The following TRAPPC2 variants were observed in gnomAD, a reference collection of about 807,000 sequenced individuals.
TRAPPC2 encodes trafficking protein particle complex subunit 2, also known as sedlin.
A neutral mutation model predicts 10.0 loss-of-function variants in TRAPPC2; 4 were observed. The observed-to-expected ratio is 0.40, with a 90% confidence interval of 0.20 to 0.92. TRAPPC2 has a LOEUF of 0.92. TRAPPC2 is among the 40% of genes least tolerant of loss of function. The pLI is 0.35. For synonymous variants in TRAPPC2, 36 were observed against 37.3 expected (o/e 0.97, Z 0.12); for missense variants, 52 against 108.7 (o/e 0.48, Z 2.32).
chrX:13,723,456 C>T (rs934977755), intron 2 of TRAPPC2, among the ~76,000 whole-genome samples: 3 of 111,917 alleles, frequency 2.7e-5, no homozygotes, highest in Admixed American at 9.5e-5. Flanking sequence ...GCATGAGCCA[C>T]CATGCCCGGC....
intron 3 of TRAPPC2, among the ~76,000 whole-genome samples, chrX:13,717,034 T>TAAAA (rs1175025577): frequency 6.6e-4 from 25 of 37,930 alleles, no homozygotes; most frequent in Admixed American, 8.7e-4. Context: ...GATACTATGT[T>TAAAA]AAAAAAAAAA....
At chrX:13,718,754 A>G (rs1381518955) in intron 3 of TRAPPC2, among the ~76,000 whole-genome samples, 2 of 112,259 alleles carry the variant, frequency 1.8e-5, no homozygotes, top group African/African-American at 6.5e-5. Flanking sequence ...TCAATTCCTT[A>G]AAGGACATTA....
At chrX:13,728,449 C>T (rs761127072) in intron 2 of TRAPPC2, among the ~76,000 whole-genome samples, 18 of 111,973 alleles carry the variant, frequency 1.6e-4, no homozygotes, top group African/African-American at 3.9e-4. Flanking sequence ...GTTCAACATA[C>T]GCAAATCGAT....
intron 4 of TRAPPC2, 58 bp from the exon 5 acceptor site, chrX:13,716,147 G>A (rs930210086): frequency 1.3e-5 from 14 of 1,082,299 alleles, no homozygotes; most frequent in South Asian, 2.1e-5. Context: ...CAACCAGTTC[G>A]TTGATACAGT....
At position 13,732,734 on chromosome X, in the gene TRAPPC2, A is replaced by G. The variant is rs142974592; in HGVS notation, c.-20+1310T>C. Among the ~76,000 whole-genome samples the G allele has an allele frequency of 7.0e-3, 791 of 113,060 alleles. 7 individuals are homozygous for G. Among genetic ancestry groups the G allele is most frequent in the African/African-American group, 0.024 (750 of 31,157 alleles). ...ACACCAACAGTGCCAGAGTGGGAGGATGCTCAGTGAACTTGGAAGTCTCTT... is the reference window on the plus strand; with the variant it reads ...ACACCAACAGTGCCAGAGTGGGAGGGTGCTCAGTGAACTTGGAAGTCTCTT... On this transcript the variant is annotated intron_variant, in intron 2 of 5. Coordinates refer to ENST00000380579, the MANE Select transcript of TRAPPC2 (RefSeq NM_001011658.4).
intron 1 of TRAPPC2, 26 bp from the exon 2 acceptor site, chrX:13,734,211 A>C: frequency 2.2e-6 from 1 of 459,438 alleles, no homozygotes; most frequent in East Asian, 3.7e-5. Context: ...GCAAGGATAC[A>C]GCTAAACCTA....
At position 13,732,742 on chromosome X, in the gene TRAPPC2, T is replaced by C. The variant is rs759561176; in HGVS notation, c.-20+1302A>G. On this transcript the variant is annotated intron_variant, in intron 2 of 5. Coordinates refer to ENST00000380579, the MANE Select transcript of TRAPPC2 (RefSeq NM_001011658.4). ...AGTGCCAGAGTGGGAGGATGCTCAG[T>C]GAACTTGGAAGTCTCTTAAGTTGTA... Among the ~76,000 whole-genome samples the C allele has an allele frequency of 2.7e-5, 3 of 113,185 alleles. No homozygotes were observed. In the Admixed American group the frequency reaches 2.8e-4, roughly 10 times the overall value.
rs1212930971 is a variant in TRAPPC2, at chrX:13,713,979, AC to A, written c.*427del. 1 of 110,205 alleles carries A rather than the reference AC, an allele frequency of 9.1e-6. No homozygotes were observed. Among genetic ancestry groups the A allele is most frequent in the Non-Finnish European group, 1.9e-5 (1 of 52,861 alleles). 9.1% of individuals were successfully genotyped at this position (110,205 alleles called of 1,213,427 possible). A position where few individuals can be genotyped will look rare whatever the true frequency, so the allele number is the denominator to read the frequency against. ...ACCAATATGGTGAAACCCTGTCTCTACTAAAAATACAAAAATTAGCCGGGCG... is the reference window on the plus strand; with the variant it reads ...ACCAATATGGTGAAACCCTGTCTCTATAAAAATACAAAAATTAGCCGGGCG... On this transcript the variant is annotated 3_prime_UTR_variant, in exon 6 of 6. Transcript: ENST00000380579.
intron 3 of TRAPPC2, among the ~76,000 whole-genome samples, chrX:13,717,687 C>T (rs747361008): frequency 5.4e-5 from 6 of 111,020 alleles, no homozygotes; most frequent in Admixed American, 9.6e-5. Context: ...TGCAGTGAGC[C>T]GAGATCACGC....
chrX:13,717,042 A>G (rs1482372250), intron 3 of TRAPPC2, among the ~76,000 whole-genome samples: 2 of 101,227 alleles, frequency 2.0e-5, no homozygotes, highest in East Asian at 6.1e-4. Flanking sequence ...GTTAAAAAAA[A>G]AAAAAAAAAA....
At chrX:13,722,208 C>CCAAAAAAAAAAA (rs1555898002) in intron 2 of TRAPPC2, 1 of 36,118 alleles carries the variant, frequency 2.8e-5, no homozygotes, top group African/African-American at 1.2e-4. Flanking sequence ...TAAGCAGCAG[C>CCAAAAAAAAAAA]AAAAAAAAAA....
At chrX:13,729,903 C>T (rs763643413) in intron 2 of TRAPPC2, among the ~76,000 whole-genome samples, 10 of 111,027 alleles carry the variant, frequency 9.0e-5, no homozygotes, top group South Asian at 3.7e-4. Flanking sequence ...AGTGAAACTT[C>T]GTCTCAAAAA....
chrX:13,717,051 A>C (rs1051657171), intron 3 of TRAPPC2, among the ~76,000 whole-genome samples: 12 of 104,962 alleles, frequency 1.1e-4, no homozygotes, highest in South Asian at 4.3e-4. Context: ...AAAAAAAAAA[A>C]AAAAAAAAAA....
At chrX:13,721,051 C>T (rs940655330) in intron 2 of TRAPPC2, 3 of 105,677 alleles carry the variant, frequency 2.8e-5, no homozygotes, top group South Asian at 8.2e-4. Context: ...AACAGATTGG[C>T]AGAAGAGATG....
chrX:13,728,612 G>A (rs1384320293), intron 2 of TRAPPC2, among the ~76,000 whole-genome samples: 1 of 111,598 alleles, frequency 9.0e-6, no homozygotes, highest in Non-Finnish European at 1.9e-5. Context: ...AAAATAATAA[G>A]AGCTATTTAT....
intron 2 of TRAPPC2, among the ~76,000 whole-genome samples, chrX:13,730,180 A>C (rs2046644015): frequency 9.0e-6 from 1 of 110,759 alleles, no homozygotes; most frequent in Non-Finnish European, 1.9e-5. Context: ...CATCTGACGA[A>C]GGGCTAATAT....
chrX:13,715,885 G>C, intron 5 of TRAPPC2, 119 bp downstream of exon 5: 1 of 1,042,983 alleles, frequency 9.6e-7, no homozygotes, highest in Non-Finnish European at 1.2e-6. Flanking sequence ...AGTTCTGATG[G>C]GGGAAAGCTA....
rs1057515794 is a variant in TRAPPC2, at chrX:13,714,143, GAA to G, written c.*262_*263del. ...GGCAACAGAGTGAGACTCTGTATCA[GAA>G]AAAAAAAAAAAAAAAAAACATGATT... On this transcript the variant is annotated 3_prime_UTR_variant, in exon 6 of 6. Coordinates refer to ENST00000380579, the MANE Select transcript of TRAPPC2 (RefSeq NM_001011658.4). 308 of 62,315 alleles carry G rather than the reference GAA, an allele frequency of 4.9e-3. 1 individual carries two copies. Among genetic ancestry groups the G allele is most frequent in the African/African-American group, 0.01 (157 of 15,124 alleles). 5.1% of individuals were successfully genotyped at this position (62,315 alleles called of 1,213,427 possible).
At chrX:13,719,235 C>A (rs2046358719) in intron 3 of TRAPPC2, among the ~76,000 whole-genome samples, 1 of 74,292 alleles carries the variant, frequency 1.3e-5, no homozygotes, top group Admixed American at 1.7e-4. Flanking sequence ...ATATATGGTC[C>A]ATTTCCTTGT....
Sources: allele counts gnomAD v4.1 joint callset (sites outside exome capture counted in the v4.1 genomes callset), GRCh38; gene constraint gnomAD v4.1.1; transcripts MANE v1.5; gene names NCBI Gene and HGNC (gene_info 2026-07-23, HGNC 2026-07-21).